C9: variants seen among roughly 807,000 people sequenced by gnomAD.
C9 encodes complement C9, also known as complement component C9.
In C9, 63 loss-of-function variants were observed where a neutral mutation model predicts 65.4. That is an observed-to-expected ratio of 0.96 (90% CI 0.79 to 1.19). C9 has a LOEUF of 1.19. Among genes scored for constraint, C9 ranks in the 50% most tolerant of loss-of-function variants. The pLI is 0.00. For synonymous variants in C9, 229 were observed against 227.9 expected (o/e 1.00, Z -0.04); for missense variants, 744 against 670.1 (o/e 1.11, Z -1.22).
chr5:39,300,150 T>C lies in C9; in HGVS notation c.1416+6467A>G, dbSNP rs556163852. Reference sequence around the variant, plus strand: ...AAAATAGGCTGGGTGCAGTGGCTCCTGGCTGCAATCCCAGCACTTTGGGAG... The same window carrying C: ...AAAATAGGCTGGGTGCAGTGGCTCCCGGCTGCAATCCCAGCACTTTGGGAG... On this transcript the variant is annotated intron_variant, in intron 9 of 10. Transcript: ENST00000263408. Among the ~76,000 whole-genome samples the C allele has an allele frequency of 2.0e-5, 3 of 152,228 alleles. No homozygotes were observed. The South Asian group carries it at 6.2e-4, about 32-fold the overall frequency.
At chr5:39,359,015 AAAATAT>A (rs1485036343) in intron 1 of C9, among the ~76,000 whole-genome samples, 5,811 of 38,724 alleles carry the variant, frequency 0.15, 278 homozygotes, top group African/African-American at 0.24. Flanking sequence ...AAATAAATAA[AAAATAT>A]ATATATATAT....
At chr5:39,308,100 C>A (rs781502637) in intron 8 of C9, 130 bp downstream of exon 8, 3 of 870,832 alleles carry the variant, frequency 3.4e-6, no homozygotes, top group African/African-American at 3.3e-5. Context: ...GTTTGAAAAC[C>A]GCTTTAAATG....
intron 1 of C9, among the ~76,000 whole-genome samples, chr5:39,361,830 A>G (rs1754526986): frequency 6.6e-6 from 1 of 152,254 alleles, no homozygotes; most frequent in Non-Finnish European, 1.5e-5. Flanking sequence ...AACAATAGTT[A>G]GAAATCCCTG....
At chr5:39,345,105 T>G (rs567212100) in intron 1 of C9, among the ~76,000 whole-genome samples, 1 of 152,004 alleles carries the variant, frequency 6.6e-6, no homozygotes, top group Non-Finnish European at 1.5e-5. Flanking sequence ...AGGAAGAAAC[T>G]GCATCAACTA....
intron 4 of C9, among the ~76,000 whole-genome samples, chr5:39,334,414 G>A (rs1437691265): frequency 1.3e-5 from 2 of 149,564 alleles, no homozygotes; most frequent in African/African-American, 2.5e-5. Context: ...CCCTCCGCCC[G>A]GCAGCCGCCC....
At chr5:39,322,250 A>G (rs1448178754) in intron 5 of C9, among the ~76,000 whole-genome samples, 3 of 152,038 alleles carry the variant, frequency 2.0e-5, no homozygotes. Flanking sequence ...TGAACAATAA[A>G]TAAGTCAATG....
chr5:39,306,460 C>A (rs1231121633), intron 9 of C9, among the ~76,000 whole-genome samples, 157 bp downstream of exon 9: 1 of 152,226 alleles, frequency 6.6e-6, no homozygotes, highest in East Asian at 1.9e-4. Context: ...CTACACCATG[C>A]CTTTTCTCTA....
chr5:39,296,205 G>A (rs1176175571), intron 9 of C9, among the ~76,000 whole-genome samples: 2 of 151,566 alleles, frequency 1.3e-5, no homozygotes, highest in Non-Finnish European at 3.0e-5. Context: ...AAAAGCTTCT[G>A]TACAGCAAAT....
At chr5:39,330,318 G>C (rs984651729) in intron 5 of C9, among the ~76,000 whole-genome samples, 2 of 152,150 alleles carry the variant, frequency 1.3e-5, no homozygotes, top group African/African-American at 4.8e-5. Context: ...AAACACATGT[G>C]TTTCCAGGGT....
chr5:39,284,201 T>G lies in C9; in HGVS notation c.*998A>C, dbSNP rs1752947425. Reference sequence around the variant, plus strand: ...ACAATAAAGTTAACATGATACATACTGATGTTTAAGCATTTATTAATTCTC... The same window carrying G: ...ACAATAAAGTTAACATGATACATACGGATGTTTAAGCATTTATTAATTCTC... On this transcript the variant is annotated 3_prime_UTR_variant, in exon 11 of 11. Coordinates refer to ENST00000263408, the MANE Select transcript of C9 (RefSeq NM_001737.5). 6.6e-6 allele frequency: 1 copy of G among 152,194 alleles called. No individual in the cohort carries two copies. The highest frequency in any genetic ancestry group is 1.5e-5 in the Non-Finnish European group (1 of 68,026). The allele number at this position is 152,194 out of a possible 1,614,324, so 9.4% of individuals were successfully genotyped here. A position where few individuals can be genotyped will look rare whatever the true frequency, so the allele number is the denominator to read the frequency against.
chr5:39,359,096 G>GTATATATATA (rs1296912568), intron 1 of C9, among the ~76,000 whole-genome samples: 1 of 74,746 alleles, frequency 1.3e-5, no homozygotes, highest in Admixed American at 1.4e-4. Flanking sequence ...ATATGTGTGT[G>GTATATATATA]TGTGTGTATA....
At chr5:39,297,942 T>A (rs559004606) in intron 9 of C9, among the ~76,000 whole-genome samples, 5 of 151,736 alleles carry the variant, frequency 3.3e-5, no homozygotes, top group Admixed American at 1.3e-4. Flanking sequence ...ATACTCAATA[T>A]ATTGAGAATA....
At chr5:39,311,041 G>T in intron 7 of C9, 96 bp downstream of exon 7, 3 of 1,369,910 alleles carry the variant, frequency 2.2e-6, no homozygotes, top group Non-Finnish European at 3.1e-6. Flanking sequence ...ACAGGGCTTT[G>T]TATTCTTAAG....
In C9 at chr5:39,285,105, G is replaced by T; in HGVS notation, c.*94C>A. On this transcript the variant is annotated 3_prime_UTR_variant, in exon 11 of 11. Coordinates refer to ENST00000263408, the MANE Select transcript of C9 (RefSeq NM_001737.5). Reference sequence around the variant, plus strand: ...TGGTAGGATTTTCATGAAGCATGTTGCTATTTACTTGGCAGCTAAGATTAT... The same window carrying T: ...TGGTAGGATTTTCATGAAGCATGTTTCTATTTACTTGGCAGCTAAGATTAT... 1 of 979,062 alleles carries T rather than the reference G, an allele frequency of 1.0e-6. No homozygotes were observed. The highest frequency in any genetic ancestry group is 1.7e-6 in the Non-Finnish European group (1 of 601,558). The allele number at this position is 979,062 out of a possible 1,614,324, so 60.6% of individuals were successfully genotyped here.
intron 4 of C9, among the ~76,000 whole-genome samples, chr5:39,338,790 G>A: frequency 6.6e-6 from 1 of 152,144 alleles, no homozygotes; most frequent in East Asian, 1.9e-4. Flanking sequence ...TAAAGCGTGA[G>A]GTATTTAAGA....
intron 6 of C9, among the ~76,000 whole-genome samples, chr5:39,313,657 T>G (rs1051041187): frequency 1.1e-4 from 17 of 152,214 alleles, no homozygotes; most frequent in Admixed American, 8.5e-4. Flanking sequence ...TGGGCACTTT[T>G]TGGTTTCTTT....
intron 1 of C9, among the ~76,000 whole-genome samples, chr5:39,344,814 A>G (rs1049581781): frequency 1.3e-5 from 2 of 152,244 alleles, no homozygotes; most frequent in Non-Finnish European, 2.9e-5. Flanking sequence ...TCAGACTAAC[A>G]GCAGATCTCT....
chr5:39,293,153 G>T (rs1028967879), intron 9 of C9, among the ~76,000 whole-genome samples: 2 of 151,756 alleles, frequency 1.3e-5, no homozygotes, highest in Non-Finnish European at 2.9e-5. Flanking sequence ...AGAAACAAAA[G>T]ATATTCAGAA....
intron 4 of C9, among the ~76,000 whole-genome samples, chr5:39,334,201 A>T (rs1753907430): frequency 6.7e-6 from 1 of 148,226 alleles, no homozygotes. Flanking sequence ...CCATCTAGGA[A>T]GTGAGGAGCG....
Sources: allele counts gnomAD v4.1 joint callset (sites outside exome capture counted in the v4.1 genomes callset), GRCh38; gene constraint gnomAD v4.1.1; transcripts MANE v1.5; gene names NCBI Gene and HGNC (gene_info 2026-07-23, HGNC 2026-07-21).